Variants in SH3BP2 observed in about 807,000 individuals in gnomAD.
SH3BP2 encodes SH3 domain-binding protein 2.
Under a neutral mutation model 56.2 loss-of-function variants are expected in SH3BP2, and 38 were observed. That is an observed-to-expected ratio of 0.68 (90% CI 0.52 to 0.89). SH3BP2 has a LOEUF of 0.89. Ranked by LOEUF, SH3BP2 falls within the 40% of genes least tolerant of loss-of-function variation. The pLI is 0.00. For synonymous variants in SH3BP2, 346 were observed against 316.7 expected, an observed-to-expected ratio of 1.09 and a Z score of -0.98; for missense variants, 748 against 762.6, an observed-to-expected ratio of 0.98 and a Z score of 0.23.
Position 2,836,713 on chromosome 4 carries a change from C to T in SH3BP2, c.*2879C>T, listed in dbSNP as rs1560117063. 6.6e-6 allele frequency: 1 copy of T among 152,432 alleles called. No individual in the cohort carries two copies. Among genetic ancestry groups the T allele is most frequent in the Non-Finnish European group, 1.5e-5 (1 of 68,102 alleles). 9.4% of individuals were successfully genotyped at this position (152,432 alleles called of 1,614,324 possible). ...TTTCACTCAACCAAGGGGGCCACAG[C>T]ACTGGGGAGTGAAACTGCCCCGCCT... On this transcript the variant is annotated 3_prime_UTR_variant, in exon 13 of 13. Transcript: ENST00000503393.
rs964073337 is a variant in SH3BP2 at position 2,831,810 on chromosome 4, G to T, written c.1351-113G>T. ...CCCCGAGAACCCGGGAGCCTAGGGG[G>T]ACACAGCACCATGTAAAGCCCCGGA... On this transcript the variant is annotated intron_variant, in intron 9 of 12. Transcript: ENST00000503393. This position sits in a 1 kb window ranked among gnomAD's most constrained non-coding sequence, Gnocchi z 4.1. The T allele has an allele frequency of 2.9e-6, 4 of 1,384,258 alleles. No homozygotes were observed. The highest frequency in any genetic ancestry group is 4.0e-6 in the Non-Finnish European group (4 of 990,782). 85.7% of individuals were successfully genotyped at this position (1,384,258 alleles called of 1,614,324 possible). A position where few individuals can be genotyped will look rare whatever the true frequency, so the allele number is the denominator to read the frequency against.
At chr4:2,802,592 TTGTATATATGTGTA>T (rs1214561083) in intron 1 of SH3BP2, among the ~76,000 whole-genome samples, 1 of 132,158 alleles carries the variant, frequency 7.6e-6, no homozygotes, top group Non-Finnish European at 1.6e-5. Context: ...ATATATATGT[TTGTATATATGTGTA>T]TATATGTGTA....
chr4:2,799,419 A>G, intron 1 of SH3BP2: 1 of 414,360 alleles, frequency 2.4e-6, no homozygotes, highest in Non-Finnish European at 3.2e-6. Context: ...TACTTGGGGC[A>G]GGGGCTCTCT....
chr4:2,831,563 C>A lies in SH3BP2; in HGVS notation c.1242-8C>A. The A allele has an allele frequency of 1.9e-6, 3 of 1,566,512 alleles. No individual in the cohort carries two copies. Among genetic ancestry groups the A allele is most frequent in the East Asian group, 2.4e-5 (1 of 42,074 alleles). Reference sequence around the variant, plus strand: ...AATGGTCCTGCCTTCCTCTCCCTGCCCCTCCAGGCGATCACCCCCCGATGG... The same window carrying A: ...AATGGTCCTGCCTTCCTCTCCCTGCACCTCCAGGCGATCACCCCCCGATGG... On this transcript the variant is annotated splice_region_variant and splice_polypyrimidine_tract_variant and intron_variant, in intron 8 of 12. Transcript: ENST00000503393. This position sits in a 1 kb window ranked among gnomAD's most constrained non-coding sequence, Gnocchi z 4.1.
rs749816726 is a variant in SH3BP2, at chr4:2,822,972, C to T, written c.174C>T (p.Val58=). 4 of 1,614,148 alleles carry T rather than the reference C, an allele frequency of 2.5e-6. No individual in the cohort carries two copies. The highest frequency in any genetic ancestry group is 3.4e-6 in the Non-Finnish European group (4 of 1,180,000). ...TTGTCATCATCCACAAACGCTGCGT[C>T]TACTACTTCAAGAGTAGCACCTCTG... ...LRFVIIHKRC[V]YYFKSSTSAS... is the part of the protein sequence containing the mutation. The change falls in exon 3 of 13, where the codon GTC becomes GTT. Residue 58 remains valine (V), a synonymous_variant. Transcript: ENST00000503393.
intron 1 of SH3BP2, among the ~76,000 whole-genome samples, chr4:2,793,386 A>C (rs2108690849): frequency 7.5e-6 from 1 of 133,676 alleles, no homozygotes; most frequent in Admixed American, 7.2e-5. Context: ...CCCGGCAGGT[A>C]TGGGCGGGTG....
At chr4:2,830,946 C>T (rs1784155) in intron 8 of SH3BP2, among the ~76,000 whole-genome samples, 1 of 152,254 alleles carries the variant, frequency 6.6e-6, no homozygotes. Flanking sequence ...CTCTGAGCAG[C>T]CCTTGTCACA....
rs777927746 is a variant in SH3BP2 at position 2,830,090 on chromosome 4, C to T, written c.1184C>T (p.Ala395Val). The T allele has an allele frequency of 1.2e-6, 2 of 1,608,442 alleles. No individual in the cohort carries two copies. Among genetic ancestry groups the T allele is most frequent in the South Asian group, 1.1e-5 (1 of 90,976 alleles). The change falls in exon 8 of 13, where the codon GCC becomes GTC. Residue 395 changes from alanine to valine, a missense_variant. Ala to Val is a moderately conservative substitution (Grantham distance 64). Transcript: ENST00000503393. ...PPALKLPVPE[A>V]MARPAVLPRP... Reference sequence around the variant, plus strand: ...GCGCTGAAGCTGCCAGTGCCTGAGGCCATGGCGCGGCCCGCAGTCCTGCCC... The same window carrying T: ...GCGCTGAAGCTGCCAGTGCCTGAGGTCATGGCGCGGCCCGCAGTCCTGCCC...
intron 1 of SH3BP2, among the ~76,000 whole-genome samples, chr4:2,807,815 A>G (rs1479643716): frequency 6.6e-6 from 1 of 152,146 alleles, no homozygotes; most frequent in Non-Finnish European, 1.5e-5. Context: ...GGTGTGGGTC[A>G]GGCATGGCAG....
chr4:2,812,363 A>T (rs1044807405), intron 1 of SH3BP2: 24 of 1,549,922 alleles, frequency 1.5e-5, no homozygotes, highest in Non-Finnish European at 1.9e-5. Flanking sequence ...TGTCTGGGAG[A>T]TGTAGGCTGC....
rs754590367 is a variant in SH3BP2, at chr4:2,822,970, G to A, written c.172G>A (p.Val58Ile). 26 of 1,613,956 alleles carry A rather than the reference G, an allele frequency of 1.6e-5. No individual in the cohort carries two copies. Among genetic ancestry groups the A allele is most frequent in the Middle Eastern group, 1.6e-4 (1 of 6,084 alleles). ...LRFVIIHKRC[V>I]YYFKSSTSAS... ...CTTTGTCATCATCCACAAACGCTGC[G>A]TCTACTACTTCAAGAGTAGCACCTC... Residue 58 changes from valine to isoleucine, a missense_variant, in exon 3 of 13, where the codon GTC (valine) becomes ATC (isoleucine). Coordinates refer to ENST00000503393, the MANE Select transcript of SH3BP2 (RefSeq NM_001122681.2).
At position 2,824,747 on chromosome 4, in the gene SH3BP2, G is replaced by T; in HGVS notation, c.357+17G>T. Reference sequence around the variant, plus strand: ...GAGCGCAAGGTGACTGGGGGTCCGAGGACGAGTGCAAGGTGACTGGGGGTG... The same window carrying T: ...GAGCGCAAGGTGACTGGGGGTCCGATGACGAGTGCAAGGTGACTGGGGGTG... On this transcript the variant is annotated intron_variant, in intron 4 of 12. Coordinates refer to ENST00000503393, the MANE Select transcript of SH3BP2 (RefSeq NM_001122681.2). The T allele has an allele frequency of 6.4e-7, 1 of 1,572,206 alleles. No individual in the cohort carries two copies.
rs766872713 is a variant in SH3BP2, at chr4:2,829,937, C to A, written c.1031C>A (p.Pro344Gln). Residue 344 changes from proline to glutamine, a missense_variant, in exon 8 of 13, where the codon CCA (proline) becomes CAA (glutamine). By Grantham distance (76) the Pro-to-Gln change is moderately conservative (BLOSUM62 -1). Transcript: ENST00000503393. This position sits in a 1 kb window ranked among gnomAD's most constrained non-coding sequence, Gnocchi z 4.9. Reference protein sequence around the residue: ...LKSFHLSPRGPPTSEPPPVPA... With the variant: ...LKSFHLSPRGQPTSEPPPVPA... Reference sequence around the variant, plus strand: ...TCCTTCCACCTGTCCCCCCGAGGACCACCCACATCTGAGCCCCCACCTGTG... The same window carrying A: ...TCCTTCCACCTGTCCCCCCGAGGACAACCCACATCTGAGCCCCCACCTGTG... 17 of 1,613,558 alleles carry A rather than the reference C, an allele frequency of 1.1e-5. No individual in the cohort carries two copies. The South Asian group carries it at 1.8e-4, about 17-fold the overall frequency.
At chr4:2,807,675 C>G (rs1051473743) in intron 1 of SH3BP2, among the ~76,000 whole-genome samples, 1 of 152,184 alleles carries the variant, frequency 6.6e-6, no homozygotes, top group African/African-American at 2.4e-5. Context: ...GGAAAGCAGG[C>G]GCCGCACCCC....
At chr4:2,821,504 G>T (rs1724303360) in intron 2 of SH3BP2, among the ~76,000 whole-genome samples, 1 of 152,344 alleles carries the variant, frequency 6.6e-6, no homozygotes, top group East Asian at 1.9e-4. Flanking sequence ...CCACCTAGGG[G>T]TGGCCCCACA....
chr4:2,821,521 G>A lies in SH3BP2; in HGVS notation c.136+768G>A, dbSNP rs150910897. On this transcript the variant is annotated intron_variant, in intron 2 of 12. Transcript: ENST00000503393. Reference sequence around the variant, plus strand: ...ACCTAGGGGTGGCCCCACACCAGTGGCTCTCACTGGCAAACTCTCCGGGCT... The same window carrying A: ...ACCTAGGGGTGGCCCCACACCAGTGACTCTCACTGGCAAACTCTCCGGGCT... Among the ~76,000 whole-genome samples the A allele has an allele frequency of 1.1e-4, 16 of 152,314 alleles. No individual in the cohort carries two copies. The East Asian group carries it at 2.9e-3, about 28-fold the overall frequency.
chr4:2,818,539 TG>T, intron 1 of SH3BP2: 1 of 530,784 alleles, frequency 1.9e-6, no homozygotes, highest in Non-Finnish European at 2.6e-6. Flanking sequence ...AAGGCGGGCG[TG>T]GACCGTCCCG....
rs1257654174 is a variant in SH3BP2 at position 2,829,962 on chromosome 4, G to A, written c.1056G>A (p.Val352=). 6 of 1,613,356 alleles carry A rather than the reference G, an allele frequency of 3.7e-6. No homozygotes were observed. Among genetic ancestry groups the A allele is most frequent in the Admixed American group, 3.3e-5 (2 of 60,020 alleles). The change falls in exon 8 of 13, where the codon GTG becomes GTA. Residue 352 remains valine, a synonymous_variant. Transcript: ENST00000503393. This position sits in a 1 kb window ranked among gnomAD's most constrained non-coding sequence, Gnocchi z 4.9. Reference sequence around the variant, plus strand: ...CACCCACATCTGAGCCCCCACCTGTGCCAGCCAACAAGCCCAAGTTCCTGA... The same window carrying A: ...CACCCACATCTGAGCCCCCACCTGTACCAGCCAACAAGCCCAAGTTCCTGA... ...RGPPTSEPPP[V]PANKPKFLKI...
intron 12 of SH3BP2, 143 bp downstream of exon 12, chr4:2,833,192 C>T (rs576963577): frequency 1.6e-5 from 12 of 743,336 alleles, no homozygotes; most frequent in South Asian, 7.5e-5. Flanking sequence ...CCTCCACCAT[C>T]GCTCACCCCC....
Sources: gnomAD v4.1 joint callset for allele counts (sites outside exome capture counted in the v4.1 genomes callset) on GRCh38, gnomAD v4.1.1 for gene constraint, Gnocchi (gnomAD v3.1) non-coding constraint, MANE v1.5 for transcripts, NCBI Gene and HGNC (gene_info 2026-07-23, HGNC 2026-07-21) for gene names.